Variants in DCAF6 observed in about 807,000 individuals in gnomAD.
The protein encoded by DCAF6 is DDB1- and CUL4-associated factor 6.
Under a neutral mutation model 125.1 loss-of-function variants are expected in DCAF6, and 54 were observed. The ratio of observed to expected loss-of-function variants is 0.43; its 90% CI spans 0.35 to 0.54. DCAF6 has a LOEUF of 0.54. DCAF6 is among the 20% of genes least tolerant of loss of function. The pLI is 0.01. For synonymous variants in DCAF6, 371 were observed against 390.4 expected, an observed-to-expected ratio of 0.95 and a Z score of 0.58; for missense variants, 934 against 1,161.7, an observed-to-expected ratio of 0.80 and a Z score of 2.85.
chr1:168,066,484 T>G lies in DCAF6; in HGVS notation c.2685+19T>G. 1 of 1,480,684 alleles carries G rather than the reference T, an allele frequency of 6.8e-7. No homozygotes were observed. The highest frequency in any genetic ancestry group is 9.4e-7 in the Non-Finnish European group (1 of 1,063,362). 91.7% of individuals were successfully genotyped at this position (1,480,684 alleles called of 1,614,324 possible). A position where few individuals can be genotyped will look rare whatever the true frequency, so the allele number is the denominator to read the frequency against. On this transcript the variant is annotated intron_variant, in intron 20 of 21. Coordinates refer to ENST00000367840, the MANE Select transcript of DCAF6 (RefSeq NM_001198956.2). The stretch of plus-strand genomic sequence containing the variant: ...TGATGAAGTAAGATTTTTATTGTAC[T>G]TACTATAGACCATATTTCAATTTGT...
the DCAF6 span, among the ~76,000 whole-genome samples, chr1:167,929,333 T>C: frequency 1.3e-5 from 2 of 151,856 alleles, no homozygotes; most frequent in Non-Finnish European, 2.9e-5. Context: ...CACTCCAGCC[T>C]GGGCAATAAG....
the DCAF6 span, among the ~76,000 whole-genome samples, chr1:167,909,590 G>C: frequency 2.0e-5 from 3 of 151,884 alleles, no homozygotes; most frequent in Non-Finnish European, 4.4e-5. Flanking sequence ...TATCATTATT[G>C]TTAGTATTAT....
the DCAF6 span, among the ~76,000 whole-genome samples, chr1:167,885,212 C>CA: frequency 3.6e-4 from 55 of 152,298 alleles, no homozygotes; most frequent in Non-Finnish European, 7.2e-4. Context: ...AAGCTGCTTC[C>CA]AAGTCTTGAC....
At chr1:168,055,789 T>TC (rs1332804497) in intron 17 of DCAF6, 92 of 718,582 alleles carry the variant, frequency 1.3e-4, no homozygotes, top group Non-Finnish European at 1.8e-4. Context: ...AGTTTTTTTT[T>TC]CCCCATCGGT....
At chr1:167,899,137 G>T in the DCAF6 span, among the ~76,000 whole-genome samples, 3 of 152,096 alleles carry the variant, frequency 2.0e-5, no homozygotes, top group Non-Finnish European at 4.4e-5. Context: ...GACCCTTCTG[G>T]TTCCTTAAGC....
intron 7 of DCAF6, among the ~76,000 whole-genome samples, chr1:167,995,681 GAAA>G (rs200291600): frequency 1.2e-5 from 1 of 85,378 alleles, no homozygotes. Context: ...CTCAGTCTCA[GAAA>G]AAAAAAAAAA....
At chr1:167,935,518 G>A (rs989203256), upstream of DCAF6, among the ~76,000 whole-genome samples, 1 of 152,190 alleles carries the variant, frequency 6.6e-6, no homozygotes, top group Non-Finnish European at 1.5e-5. Flanking sequence ...ACATAGGTGG[G>A]GAAGGGAGCT....
chr1:167,993,893 A>G (rs759355025), intron 7 of DCAF6, among the ~76,000 whole-genome samples: 1 of 152,168 alleles, frequency 6.6e-6, no homozygotes, highest in Non-Finnish European at 1.5e-5. Flanking sequence ...AACAAAAAAC[A>G]TGAGACATAC....
At chr1:168,014,237 T>C (rs1306787940) in intron 10 of DCAF6, among the ~76,000 whole-genome samples, 1 of 152,198 alleles carries the variant, frequency 6.6e-6, no homozygotes. Context: ...ATCAATGACT[T>C]CCATCATACA....
intron 1 of DCAF6, among the ~76,000 whole-genome samples, chr1:167,950,346 C>T (rs1036316615): frequency 1.7e-4 from 26 of 152,078 alleles, no homozygotes; most frequent in African/African-American, 6.0e-4. Flanking sequence ...TTTTTACAAG[C>T]GAAAATCAGA....
chr1:167,877,426 C>T, the DCAF6 span, among the ~76,000 whole-genome samples: 9 of 151,828 alleles, frequency 5.9e-5, no homozygotes, highest in Admixed American at 3.9e-4. Flanking sequence ...CACCTTGACC[C>T]AACTGCAGCC....
intron 10 of DCAF6, among the ~76,000 whole-genome samples, chr1:168,013,116 A>C (rs1426412403): frequency 6.6e-6 from 1 of 152,180 alleles, no homozygotes. Flanking sequence ...ATATTGCTAA[A>C]AGCATTACTA....
intron 3 of DCAF6, among the ~76,000 whole-genome samples, chr1:167,970,645 A>G (rs1485871999): frequency 6.6e-6 from 1 of 152,170 alleles, no homozygotes; most frequent in Non-Finnish European, 1.5e-5. Flanking sequence ...AATTATTATC[A>G]TAAGCCTTTA....
intron 16 of DCAF6, among the ~76,000 whole-genome samples, chr1:168,045,589 T>C (rs1440890657): frequency 6.6e-6 from 1 of 152,212 alleles, no homozygotes; most frequent in East Asian, 1.9e-4. Flanking sequence ...TTTATCAGTG[T>C]TGTTTTGGTT....
chr1:167,974,716 T>C (rs1316599750), intron 3 of DCAF6, 114 bp from the exon 4 acceptor site: 8 of 771,490 alleles, frequency 1.0e-5, no homozygotes, highest in Middle Eastern at 3.9e-4. Context: ...AGTGATAATC[T>C]TTCACTGAGA....
intron 16 of DCAF6, among the ~76,000 whole-genome samples, chr1:168,048,808 A>T (rs1449567275): frequency 6.6e-6 from 1 of 152,258 alleles, no homozygotes; most frequent in East Asian, 1.9e-4. Flanking sequence ...CATTTAAAAT[A>T]TTAACATTTA....
At chr1:168,057,929 C>A (rs1691094800) in intron 17 of DCAF6, among the ~76,000 whole-genome samples, 1 of 152,226 alleles carries the variant, frequency 6.6e-6, no homozygotes, top group Non-Finnish European at 1.5e-5. Flanking sequence ...TCTACCTGTT[C>A]ACCCTATTTT....
the DCAF6 span, among the ~76,000 whole-genome samples, chr1:167,927,003 G>A: frequency 3.3e-5 from 5 of 152,162 alleles, no homozygotes; most frequent in Non-Finnish European, 7.3e-5. Flanking sequence ...GATTATTTAT[G>A]CATCTGTCAC....
At chr1:167,958,919 T>C (rs938942193) in intron 2 of DCAF6, among the ~76,000 whole-genome samples, 8 of 152,198 alleles carry the variant, frequency 5.3e-5, no homozygotes, top group African/African-American at 1.9e-4. Flanking sequence ...ACAATAGGGC[T>C]CACTCTTGGT....
Sources: gnomAD v4.1 joint callset for allele counts (sites outside exome capture counted in the v4.1 genomes callset) on GRCh38, gnomAD v4.1.1 for gene constraint, MANE v1.5 for transcripts, NCBI Gene and HGNC (gene_info 2026-07-23, HGNC 2026-07-21) for gene names.